Variants in NEGR1 observed in about 807,000 individuals in gnomAD.
NEGR1 encodes IgLON family member 4.
Under a neutral mutation model 40.9 loss-of-function variants are expected in NEGR1, and 10 were observed. That is an observed-to-expected ratio of 0.24 (90% confidence interval 0.15 to 0.42). The LOEUF (loss-of-function observed/expected upper bound fraction) is 0.42. Ranked by LOEUF, NEGR1 falls within the 10% of genes least tolerant of loss-of-function variation. The probability of loss-of-function intolerance (pLI) is 1.00; values close to 1 mark genes in which losing one functional copy is unlikely to be tolerated. For missense variants in NEGR1, 352 were observed against 438.9 expected (o/e 0.80, Z 1.77); for synonymous variants, 185 against 166.8 (o/e 1.11, Z -0.84).
chr1:71,923,072 T>A (rs1016441799), intron 2 of NEGR1, among the ~76,000 whole-genome samples: 1 of 152,154 alleles, frequency 6.6e-6, no homozygotes, highest in African/African-American at 2.4e-5. Flanking sequence ...GAGACTTCAC[T>A]CCTTCACTCT....
chr1:71,723,437 A>G (rs568506244), intron 3 of NEGR1, among the ~76,000 whole-genome samples: 1 of 152,196 alleles, frequency 6.6e-6, no homozygotes, highest in African/African-American at 2.4e-5. Flanking sequence ...GTCTTTGGAA[A>G]AGGGCAAGGG....
chr1:71,576,370 AACAAACAAAAAACTT>A (rs1352863598), intron 6 of NEGR1, among the ~76,000 whole-genome samples: 3 of 152,216 alleles, frequency 2.0e-5, no homozygotes, highest in African/African-American at 7.2e-5. Flanking sequence ...AACAAAAACA[AACAAACAAAAAACTT>A]ATTTTAACCC....
In NEGR1 at chr1:71,935,311, C is replaced by G. The variant is rs1176515077; in HGVS notation, c.177G>C (p.Arg59Ser). ...MVRKGDTAVL[R>S]CYLEDGASKG... ...TTGAAGCTCCATCTTCCAAATAACACCTACAAATTACAAGAGATACAACAC... is the reference window on the plus strand; with the variant it reads ...TTGAAGCTCCATCTTCCAAATAACAGCTACAAATTACAAGAGATACAACAC... Residue 59 changes from arginine (R) to serine (S), a missense_variant and splice_region_variant, in exon 2 of 7, where the codon AGG becomes AGC. Physicochemically the swap from Arg to Ser is moderately radical, Grantham distance 110 (BLOSUM62 -1). This residue lies in a region of NEGR1 where 81 missense variants were observed against 85.8 expected (regional missense o/e 0.94). Coordinates refer to ENST00000357731, the MANE Select transcript of NEGR1 (RefSeq NM_173808.3). 3 of 1,589,162 alleles carry G rather than the reference C, an allele frequency of 1.9e-6. No individual in the cohort carries two copies. In the African/African-American group the frequency reaches 4.0e-5, roughly 21 times the overall value.
At chr1:72,142,166 C>G (rs76255785) in intron 1 of NEGR1, among the ~76,000 whole-genome samples, 156 of 151,940 alleles carry the variant, frequency 1.0e-3, no homozygotes, top group African/African-American at 3.5e-3. Flanking sequence ...TCCATGCCCT[C>G]CTGACCAAGG....
At chr1:71,422,615 C>G (rs1646405254) in intron 6 of NEGR1, 1 of 152,126 alleles carries the variant, frequency 6.6e-6, no homozygotes, top group South Asian at 2.1e-4. Context: ...TTAATCTAGG[C>G]TTAGCAGCTA....
At chr1:71,521,222 G>T (rs1486906614) in intron 6 of NEGR1, among the ~76,000 whole-genome samples, 1 of 151,904 alleles carries the variant, frequency 6.6e-6, no homozygotes, top group Non-Finnish European at 1.5e-5. Flanking sequence ...AATGGAAAAC[G>T]GTCAATTTAA....
At chr1:71,622,733 G>A (rs571584655) in intron 4 of NEGR1, among the ~76,000 whole-genome samples, 1 of 151,856 alleles carries the variant, frequency 6.6e-6, no homozygotes, top group South Asian at 2.1e-4. Flanking sequence ...AAAAGTAATG[G>A]CAGTAAATAT....
chr1:71,941,371 C>T (rs555306717), intron 1 of NEGR1, among the ~76,000 whole-genome samples: 68 of 152,150 alleles, frequency 4.5e-4, no homozygotes, highest in African/African-American at 1.5e-3. Context: ...TGATATCTTT[C>T]ATGAGAGTTG....
intron 1 of NEGR1, among the ~76,000 whole-genome samples, chr1:72,118,409 G>A (rs548173884): frequency 6.6e-6 from 1 of 151,928 alleles, no homozygotes; most frequent in African/African-American, 2.4e-5. Context: ...CTCCAGCAGT[G>A]ACTGAGAAAC....
intron 1 of NEGR1, among the ~76,000 whole-genome samples, chr1:71,948,095 T>C (rs1206148434): frequency 1.3e-5 from 2 of 152,144 alleles, no homozygotes; most frequent in Non-Finnish European, 2.9e-5. Context: ...ATACAGTTGC[T>C]TAAAAAATCT....
intron 1 of NEGR1, among the ~76,000 whole-genome samples, chr1:72,132,918 C>G (rs1650312027): frequency 6.6e-6 from 1 of 151,958 alleles, no homozygotes; most frequent in Non-Finnish European, 1.5e-5. Flanking sequence ...TTGTTTTCTT[C>G]AAGTTATTCT....
At chr1:72,117,146 CT>C (rs1434952920) in intron 1 of NEGR1, among the ~76,000 whole-genome samples, 1 of 151,778 alleles carries the variant, frequency 6.6e-6, no homozygotes, top group Non-Finnish European at 1.5e-5. Context: ...ATGAGTTTTA[CT>C]AATACATGTT....
At chr1:72,237,874 C>T (rs1654610070) in intron 1 of NEGR1, among the ~76,000 whole-genome samples, 2 of 151,852 alleles carry the variant, frequency 1.3e-5, no homozygotes, top group South Asian at 2.1e-4. Flanking sequence ...TGCATATGTA[C>T]AATTGAGTTA....
chr1:72,037,799 T>C (rs1353523451), intron 1 of NEGR1, among the ~76,000 whole-genome samples: 1 of 152,144 alleles, frequency 6.6e-6, no homozygotes, highest in Non-Finnish European at 1.5e-5. Flanking sequence ...TGTAAAAATG[T>C]AATGCAACTC....
At chr1:72,019,406 T>G (rs1557486495) in intron 1 of NEGR1, among the ~76,000 whole-genome samples, 1 of 152,112 alleles carries the variant, frequency 6.6e-6, no homozygotes, top group Non-Finnish European at 1.5e-5. Flanking sequence ...TAGAAAATAG[T>G]GACAGAAAAA....
intron 1 of NEGR1, among the ~76,000 whole-genome samples, chr1:72,043,433 T>G (rs902433533): frequency 6.6e-6 from 1 of 151,684 alleles, no homozygotes; most frequent in Non-Finnish European, 1.5e-5. Flanking sequence ...ATATAAATAT[T>G]TGAAGATACA....
chr1:71,885,090 T>G (rs1358599734), intron 2 of NEGR1, among the ~76,000 whole-genome samples: 3 of 152,176 alleles, frequency 2.0e-5, no homozygotes, highest in Non-Finnish European at 2.9e-5. Context: ...TAGTCTGACA[T>G]CTCCCCACCT....
chr1:71,943,400 G>T (rs1050832644), intron 1 of NEGR1, among the ~76,000 whole-genome samples: 1 of 150,826 alleles, frequency 6.6e-6, no homozygotes, highest in African/African-American at 2.4e-5. Context: ...TTCAAATTTG[G>T]TTATGATTAA....
chr1:71,818,139 C>T (rs1475946667), intron 2 of NEGR1, among the ~76,000 whole-genome samples: 1 of 151,862 alleles, frequency 6.6e-6, no homozygotes, highest in Non-Finnish European at 1.5e-5. Flanking sequence ...AGCGATTCCT[C>T]AAAGAACTTA....
Sources: gnomAD v4.1 joint callset for allele counts (sites outside exome capture counted in the v4.1 genomes callset) on GRCh38, gnomAD v4.1.1 for gene constraint, gnomAD v4.1.1 regional missense constraint, MANE v1.5 for transcripts, NCBI Gene and HGNC (gene_info 2026-07-23, HGNC 2026-07-21) for gene names.